The following RPA1 variants were observed in gnomAD, a reference collection of about 807,000 sequenced individuals.
The protein encoded by RPA1 is replication protein A1.
A neutral mutation model predicts 83.0 loss-of-function variants in RPA1; 49 were observed. The observed-to-expected ratio is 0.59, with a 90% CI of 0.47 to 0.75. The LOEUF (loss-of-function observed/expected upper bound fraction) is 0.75. Ranked by LOEUF, RPA1 falls within the 30% of genes least tolerant of loss-of-function variation. The pLI is 0.00. For missense variants in RPA1, 693 were observed against 776.1 expected (o/e 0.89, Z 1.27); for synonymous variants, 279 against 281.8 (o/e 0.99, Z 0.10).
intron 6 of RPA1, among the ~76,000 whole-genome samples, chr17:1,873,846 A>G (rs966665731): frequency 2.0e-5 from 3 of 151,640 alleles, no homozygotes. Context: ...TACAAAAATT[A>G]ATCGGGCATG....
chr17:1,887,149 A>G (rs143495184), intron 13 of RPA1, among the ~76,000 whole-genome samples: 347 of 152,304 alleles, frequency 2.3e-3, no homozygotes, highest in Non-Finnish European at 3.4e-3. Flanking sequence ...GAAGAGAGAC[A>G]GGAATACTTG....
At chr17:1,842,723 C>A in intron 1 of RPA1, 80 bp from the exon 2 acceptor site, 1 of 1,285,334 alleles carries the variant, frequency 7.8e-7, no homozygotes, top group Non-Finnish European at 1.1e-6. Flanking sequence ...CTATATATTC[C>A]AAATACCAAC....
At chr17:1,852,130 G>A (rs1912517487) in intron 4 of RPA1, among the ~76,000 whole-genome samples, 1 of 152,080 alleles carries the variant, frequency 6.6e-6, no homozygotes, top group Non-Finnish European at 1.5e-5. Flanking sequence ...TTTTTAAAAT[G>A]CAGACATTGT....
intron 1 of RPA1, among the ~76,000 whole-genome samples, chr17:1,840,995 C>A (rs1912025008): frequency 6.6e-6 from 1 of 152,140 alleles, no homozygotes; most frequent in South Asian, 2.1e-4. Flanking sequence ...TGAACCCGGG[C>A]ATTAGAGGTT....
chr17:1,875,546 A>G (rs914466026), intron 6 of RPA1, 115 bp from the exon 7 acceptor site: 87 of 1,104,798 alleles, frequency 7.9e-5, no homozygotes, highest in African/African-American at 9.5e-5. Context: ...TTTGCCTCTC[A>G]TGTTATATGA....
intron 5 of RPA1, among the ~76,000 whole-genome samples, chr17:1,859,015 A>G (rs1481376716): frequency 1.3e-5 from 2 of 150,388 alleles, no homozygotes; most frequent in South Asian, 2.1e-4. Flanking sequence ...CGATTCTCCT[A>G]TCTCAGCCTC....
chr17:1,891,665 C>T, intron 14 of RPA1, 168 bp from the exon 15 acceptor site: 1 of 435,476 alleles, frequency 2.3e-6, no homozygotes, highest in Non-Finnish European at 4.1e-6. Flanking sequence ...AGTGTTCCAC[C>T]CGCCTTGGCC....
At chr17:1,838,695 C>T (rs982064682) in intron 1 of RPA1, among the ~76,000 whole-genome samples, 17 of 151,290 alleles carry the variant, frequency 1.1e-4, no homozygotes, top group African/African-American at 3.2e-4. Flanking sequence ...TTATAGTTTT[C>T]GCTTTGCCTT....
intron 5 of RPA1, among the ~76,000 whole-genome samples, chr17:1,855,187 C>T (rs1426435733): frequency 6.6e-6 from 1 of 151,566 alleles, no homozygotes; most frequent in African/African-American, 2.4e-5. Flanking sequence ...TTTTTTGAGA[C>T]AGTCTCATTG....
intron 5 of RPA1, among the ~76,000 whole-genome samples, chr17:1,855,064 A>G (rs1159293541): frequency 2.6e-5 from 4 of 152,198 alleles, no homozygotes; most frequent in African/African-American, 4.8e-5. Flanking sequence ...GAGGGCTTTC[A>G]TCAGAAATGG....
chr17:1,858,224 C>T, intron 5 of RPA1: 1 of 1,613,892 alleles, frequency 6.2e-7, no homozygotes, highest in Non-Finnish European at 8.5e-7. Context: ...AGTGCTGGCC[C>T]CAGACACAGG....
At chr17:1,851,884 C>T (rs1912509320) in intron 4 of RPA1, among the ~76,000 whole-genome samples, 1 of 152,174 alleles carries the variant, frequency 6.6e-6, no homozygotes, top group African/African-American at 2.4e-5. Flanking sequence ...ATGTAAAAAT[C>T]CAAATTATAG....
At chr17:1,838,474 A>C (rs1007274633) in intron 1 of RPA1, among the ~76,000 whole-genome samples, 2 of 151,044 alleles carry the variant, frequency 1.3e-5, no homozygotes, top group Non-Finnish European at 2.9e-5. Flanking sequence ...GTGGTGGCGC[A>C]TGCCTGTAAC....
At chr17:1,841,692 A>G (rs1285850014) in intron 1 of RPA1, among the ~76,000 whole-genome samples, 1 of 152,184 alleles carries the variant, frequency 6.6e-6, no homozygotes, top group African/African-American at 2.4e-5. Context: ...TAAGAGGTAT[A>G]TCCTTGCCTT....
At chr17:1,889,590 C>T (rs549113450) in intron 14 of RPA1, among the ~76,000 whole-genome samples, 1 of 152,252 alleles carries the variant, frequency 6.6e-6, no homozygotes, top group South Asian at 2.1e-4. Flanking sequence ...ATCCTCCCAC[C>T]TCAGCCTTCC....
Position 1,844,678 on chromosome 17 carries a change from A to G in RPA1, c.264A>G (p.Lys88=), listed in dbSNP as rs1416831206. 1.9e-6 allele frequency: 3 copies of G among 1,611,886 alleles called. No homozygotes were observed. The African/African-American group carries it at 4.0e-5, about 22-fold the overall frequency. Residue 88 remains lysine, a synonymous_variant, in exon 4 of 17, where the codon AAA becomes AAG. Transcript: ENST00000254719. ...ACAGATTTATTGTGAACACTCTGAA[A>G]GACGGAAGGTATGTGCTGTGTTTTT... ...QIHRFIVNTL[K]DGRRVVILME...
intron 4 of RPA1, among the ~76,000 whole-genome samples, chr17:1,851,459 C>T (rs1912495027): frequency 1.3e-5 from 2 of 152,152 alleles, no homozygotes; most frequent in African/African-American, 4.8e-5. Context: ...GCAGTTTCCC[C>T]CAGTCTGGAT....
At chr17:1,845,979 A>G (rs1223412857) in intron 4 of RPA1, among the ~76,000 whole-genome samples, 4 of 152,186 alleles carry the variant, frequency 2.6e-5, no homozygotes, top group African/African-American at 9.7e-5. Context: ...AAAAAATGAT[A>G]ACAATACTAA....
chr17:1,895,662 T>TTTATTTAG (rs1555597000), intron 16 of RPA1, among the ~76,000 whole-genome samples: 1 of 18,064 alleles, frequency 5.5e-5, no homozygotes, highest in Admixed American at 4.7e-4. Flanking sequence ...CCATATAGTA[T>TTTATTTAG]TTATTTATTT....
Sources: gnomAD v4.1 joint callset for allele counts (sites outside exome capture counted in the v4.1 genomes callset) on GRCh38, gnomAD v4.1.1 for gene constraint, MANE v1.5 for transcripts, NCBI Gene and HGNC (gene_info 2026-07-23, HGNC 2026-07-21) for gene names.